DDX42: variants seen among roughly 807,000 people sequenced by gnomAD.
DDX42 encodes the protein ATP-dependent RNA helicase DDX42.
Under a neutral mutation model 101.5 loss-of-function variants are expected in DDX42, and 22 were observed. That is an observed-to-expected ratio of 0.22 (90% CI 0.15 to 0.31). The LOEUF (loss-of-function observed/expected upper bound fraction) is 0.31, where lower values mean the gene tolerates loss of function less well. DDX42 is among the 10% of genes least tolerant of loss of function. DDX42 has a pLI of 1.00. For synonymous variants in DDX42, 402 were observed against 401.2 expected (o/e 1.00, Z -0.02); for missense variants, 849 against 1,199.9 (o/e 0.71, Z 4.32).
At chr17:63,790,612 T>C (rs775908785) in intron 2 of DDX42, among the ~76,000 whole-genome samples, 1 of 152,116 alleles carries the variant, frequency 6.6e-6, no homozygotes, top group Non-Finnish European at 1.5e-5. Flanking sequence ...AATACAAAAA[T>C]TAGCTGGGTG....
chr17:63,783,277 A>G (rs1025825920), intron 1 of DDX42, among the ~76,000 whole-genome samples: 1 of 152,154 alleles, frequency 6.6e-6, no homozygotes, highest in Non-Finnish European at 1.5e-5. Context: ...CTTCTCAGCA[A>G]GCTTTCAGTA....
At chr17:63,786,085 C>G (rs2144534036) in intron 1 of DDX42, among the ~76,000 whole-genome samples, 1 of 152,216 alleles carries the variant, frequency 6.6e-6, no homozygotes, top group East Asian at 1.9e-4. Flanking sequence ...GCAGGCAAAT[C>G]CTTTTGGAGG....
intron 7 of DDX42, chr17:63,806,001 T>C (rs1478203392): frequency 6.6e-6 from 1 of 152,308 alleles, no homozygotes; most frequent in East Asian, 1.9e-4. Flanking sequence ...TAGGTGCAGT[T>C]TGAACAGGGC....
intron 6 of DDX42, among the ~76,000 whole-genome samples, chr17:63,802,300 A>G (rs1013174117): frequency 8.5e-5 from 13 of 152,252 alleles, no homozygotes; most frequent in African/African-American, 2.9e-4. Flanking sequence ...GGAAGTACGC[A>G]TAAAGCATTT....
At chr17:63,778,499 C>T (rs964207808) in intron 1 of DDX42, among the ~76,000 whole-genome samples, 2 of 152,118 alleles carry the variant, frequency 1.3e-5, no homozygotes, top group East Asian at 3.8e-4. Context: ...TTCTCCTGGG[C>T]CAGACTGTGA....
chr17:63,781,096 A>T (rs2039482438), intron 1 of DDX42, among the ~76,000 whole-genome samples: 1 of 152,078 alleles, frequency 6.6e-6, no homozygotes, highest in Admixed American at 6.6e-5. Context: ...ACTCCTCTTG[A>T]CCTAGTCTTC....
rs959964280 is a variant in DDX42, at chr17:63,787,041, A to G, written c.-9A>G. On this transcript the variant is annotated 5_prime_UTR_variant, in exon 2 of 18. Transcript: ENST00000389924. ...GTATCTTATTCCTAACAGGTCAGTCATTGGCACCATGAACTGGAATAAAGG... is the reference window on the plus strand; with the variant it reads ...GTATCTTATTCCTAACAGGTCAGTCGTTGGCACCATGAACTGGAATAAAGG... 7.4e-6 allele frequency: 12 copies of G among 1,613,964 alleles called. No individual in the cohort carries two copies. Among genetic ancestry groups the G allele is most frequent in the Non-Finnish European group, 1.0e-5 (12 of 1,179,992 alleles).
intron 6 of DDX42, among the ~76,000 whole-genome samples, chr17:63,801,567 T>C (rs1443908534): frequency 6.6e-6 from 1 of 152,012 alleles, no homozygotes; most frequent in Non-Finnish European, 1.5e-5. Flanking sequence ...TCTTGCTCTA[T>C]TGCCCAGGCT....
chr17:63,803,633 C>T (rs1255684795), intron 6 of DDX42, among the ~76,000 whole-genome samples: 1 of 149,334 alleles, frequency 6.7e-6, no homozygotes, highest in Non-Finnish European at 1.5e-5. Flanking sequence ...TTTTCAACTA[C>T]GTATTTTTCC....
intron 2 of DDX42, among the ~76,000 whole-genome samples, chr17:63,788,027 C>T (rs1017776405): frequency 2.3e-4 from 35 of 151,644 alleles, no homozygotes; most frequent in Non-Finnish European, 4.0e-4. Context: ...GCCTCACCCT[C>T]CTGTGTAGGT....
At position 63,809,602 on chromosome 17, in the gene DDX42, CAA is replaced by C; in HGVS notation, c.1197_1198del (p.Arg400SerfsTer7). 6.2e-7 allele frequency: 1 copy of C among 1,614,106 alleles called. No homozygotes were observed. The highest frequency in any genetic ancestry group is 8.5e-7 in the Non-Finnish European group (1 of 1,179,994). On this transcript the variant is annotated frameshift_variant, in exon 11 of 18. Transcript: ENST00000389924. LOFTEE classifies it high-confidence loss of function. ...DHVKKKATNL[Q>X]RVSYLVFDEA... ...TGTGAAAAAGAAAGCTACCAATCTT[CAA>C]AGAGTCTCTTACCTTGTGTTTGATG...
chr17:63,788,229 A>C (rs565117722), intron 2 of DDX42, among the ~76,000 whole-genome samples: 9 of 149,722 alleles, frequency 6.0e-5, no homozygotes, highest in Admixed American at 4.6e-4. Flanking sequence ...GCAGTCTTTT[A>C]CTGACACCAT....
chr17:63,804,648 T>C (rs2039816187), intron 6 of DDX42, among the ~76,000 whole-genome samples: 1 of 152,210 alleles, frequency 6.6e-6, no homozygotes, highest in Non-Finnish European at 1.5e-5. Context: ...TTCAATGTTG[T>C]TCAAATTCGA....
intron 6 of DDX42, among the ~76,000 whole-genome samples, chr17:63,804,374 G>T (rs980894739): frequency 6.6e-6 from 1 of 152,080 alleles, no homozygotes; most frequent in South Asian, 2.1e-4. Context: ...GCTATGAAAA[G>T]AATAATAGAA....
Position 63,805,119 on chromosome 17 carries a change from A to T in DDX42, c.670A>T (p.Ile224Leu), listed in dbSNP as rs1274934568. The change falls in exon 7 of 18, where the codon ATA becomes TTA. Residue 224 changes from isoleucine (I) to leucine (L), a missense_variant. Around this residue, in one of 5 missense-constraint regions of DDX42, gnomAD observed 370 missense variants for 608.8 expected, o/e 0.61. Transcript: ENST00000389924. ...EKNFYNEHEE[I>L]TNLTPQQLID... is the part of the protein sequence containing the mutation. ...AAACTTTTACAATGAGCATGAAGAGATAACCAACCTCACTCCACAGCAGTT... is the reference window on the plus strand; with the variant it reads ...AAACTTTTACAATGAGCATGAAGAGTTAACCAACCTCACTCCACAGCAGTT... 4 of 1,613,322 alleles carry T rather than the reference A, an allele frequency of 2.5e-6. No homozygotes were observed. Among genetic ancestry groups the T allele is most frequent in the Non-Finnish European group, 3.4e-6 (4 of 1,179,886 alleles).
intron 1 of DDX42, among the ~76,000 whole-genome samples, chr17:63,781,378 C>T (rs542293577): frequency 1.3e-5 from 2 of 151,814 alleles, no homozygotes; most frequent in African/African-American, 2.4e-5. Context: ...CCACCACGTC[C>T]GGCTAATTTT....
rs542823727 is a variant in DDX42 at position 63,809,078 on chromosome 17, G to A, written c.1152+130G>A. On this transcript the variant is annotated intron_variant, in intron 10 of 17. Transcript: ENST00000389924. Reference sequence around the variant, plus strand: ...AAAATATACTGATGAACGGCAGGCTGTGGTTTTAATTTTGATTGGTGGCTA... The same window carrying A: ...AAAATATACTGATGAACGGCAGGCTATGGTTTTAATTTTGATTGGTGGCTA... 2.2e-6 allele frequency: 3 copies of A among 1,338,498 alleles called. No individual in the cohort carries two copies. The East Asian group carries it at 7.2e-5, about 32-fold the overall frequency. The allele number at this position is 1,338,498 out of a possible 1,614,324, so 82.9% of individuals were successfully genotyped here. A position where few individuals can be genotyped will look rare whatever the true frequency, so the allele number is the denominator to read the frequency against.
At chr17:63,786,995 T>C in intron 1 of DDX42, 39 bp from the exon 2 acceptor site, 2 of 1,606,182 alleles carry the variant, frequency 1.2e-6, no homozygotes, top group Middle Eastern at 1.7e-4. Flanking sequence ...ATACACTTTT[T>C]TAAGTTTAAT....
At chr17:63,779,085 T>G (rs970780360) in intron 1 of DDX42, among the ~76,000 whole-genome samples, 1 of 152,212 alleles carries the variant, frequency 6.6e-6, no homozygotes, top group African/African-American at 2.4e-5. Context: ...TTTAAACAAA[T>G]ACTCATTAAA....
Sources: gnomAD v4.1 joint callset for allele counts (sites outside exome capture counted in the v4.1 genomes callset) on GRCh38, gnomAD v4.1.1 for gene constraint, gnomAD v4.1.1 regional missense constraint, MANE v1.5 for transcripts, NCBI Gene and HGNC (gene_info 2026-07-23, HGNC 2026-07-21) for gene names.